TOX: variants seen among roughly 807,000 people sequenced by gnomAD.
TOX encodes thymocyte selection-associated high mobility group box protein TOX.
In TOX, 11 loss-of-function variants were observed where a neutral mutation model predicts 53.7. The ratio of observed to expected loss-of-function variants is 0.20; its 90% CI spans 0.13 to 0.34. TOX has a LOEUF of 0.34. Ranked by LOEUF, TOX falls within the 10% of genes least tolerant of loss-of-function variation. The pLI is 1.00. For missense variants in TOX, 570 were observed against 664.6 expected (o/e 0.86, Z 1.56); for synonymous variants, 225 against 245.3 (o/e 0.92, Z 0.77).
chr8:58,859,704 A>T (rs1810975328), intron 3 of TOX, among the ~76,000 whole-genome samples: 1 of 152,120 alleles, frequency 6.6e-6, no homozygotes, highest in South Asian at 2.1e-4. Flanking sequence ...TCACTCCTTT[A>T]CACTGTGGTC....
At chr8:58,910,691 G>A (rs1444407507) in intron 3 of TOX, among the ~76,000 whole-genome samples, 1 of 152,206 alleles carries the variant, frequency 6.6e-6, no homozygotes, top group Non-Finnish European at 1.5e-5. Context: ...ACCTTTTAGA[G>A]AGCCTGTTTC....
intron 1 of TOX, among the ~76,000 whole-genome samples, chr8:59,061,596 C>T (rs1280001894): frequency 6.6e-6 from 1 of 152,110 alleles, no homozygotes; most frequent in East Asian, 1.9e-4. Context: ...CTAGCAAAAC[C>T]CCCATCTGGC....
intron 1 of TOX, among the ~76,000 whole-genome samples, chr8:58,965,865 C>T (rs1325221808): frequency 8.2e-6 from 1 of 121,972 alleles, no homozygotes; most frequent in Non-Finnish European, 1.7e-5. Flanking sequence ...TTTTGTATTC[C>T]TTGGCCCAGT....
intron 1 of TOX, among the ~76,000 whole-genome samples, chr8:59,096,354 T>C (rs1214611938): frequency 6.6e-6 from 1 of 152,220 alleles, no homozygotes; most frequent in African/African-American, 2.4e-5. Context: ...TGGCAATTTA[T>C]CTTTTACTAA....
intron 1 of TOX, among the ~76,000 whole-genome samples, chr8:59,097,640 C>T (rs1804734872): frequency 6.6e-6 from 1 of 152,160 alleles, no homozygotes; most frequent in Admixed American, 6.6e-5. Flanking sequence ...ATCTGTATAA[C>T]TCAAATAACT....
intron 3 of TOX, among the ~76,000 whole-genome samples, chr8:58,913,799 C>T (rs895788953): frequency 4.5e-5 from 5 of 110,204 alleles, no homozygotes; most frequent in African/African-American, 1.5e-4. Flanking sequence ...ATATTTATTG[C>T]CGGATTTTTA....
chr8:58,890,328 T>C (rs1272604238), intron 3 of TOX, among the ~76,000 whole-genome samples: 1 of 152,190 alleles, frequency 6.6e-6, no homozygotes, highest in South Asian at 2.1e-4. Flanking sequence ...AAGAGCACAC[T>C]GGCAGGAGAT....
chr8:58,906,544 T>C (rs1423535623), intron 3 of TOX, among the ~76,000 whole-genome samples: 1 of 152,216 alleles, frequency 6.6e-6, no homozygotes, highest in East Asian at 1.9e-4. Flanking sequence ...TCAAACTGCA[T>C]ATTTATTTAC....
chr8:58,870,536 T>C (rs960404956), intron 3 of TOX, among the ~76,000 whole-genome samples: 2 of 152,036 alleles, frequency 1.3e-5, no homozygotes, highest in Non-Finnish European at 2.9e-5. Flanking sequence ...GACAAAATGG[T>C]TTTGAAATTT....
chr8:58,862,536 G>A (rs1245210429), intron 3 of TOX, among the ~76,000 whole-genome samples: 1 of 152,060 alleles, frequency 6.6e-6, no homozygotes, highest in Admixed American at 6.6e-5. Flanking sequence ...ATTATAAAAA[G>A]TTATTAAAAG....
chr8:58,938,976 G>A (rs1222776696), intron 3 of TOX, among the ~76,000 whole-genome samples: 1 of 152,238 alleles, frequency 6.6e-6, no homozygotes, highest in African/African-American at 2.4e-5. Context: ...TCCACTGGAT[G>A]AGAGGTGGCA....
intron 1 of TOX, among the ~76,000 whole-genome samples, chr8:59,090,367 A>G (rs957954521): frequency 6.6e-6 from 1 of 152,192 alleles, no homozygotes; most frequent in Non-Finnish European, 1.5e-5. Flanking sequence ...GGTAGAACTC[A>G]TCATATGTTT....
chr8:58,887,773 C>T (rs1206410471), intron 3 of TOX, among the ~76,000 whole-genome samples: 1 of 151,962 alleles, frequency 6.6e-6, no homozygotes, highest in Non-Finnish European at 1.5e-5. Context: ...TCTTTTACCT[C>T]TTAAACTTTT....
chr8:58,937,373 A>G (rs905895704), intron 3 of TOX, among the ~76,000 whole-genome samples: 1 of 152,246 alleles, frequency 6.6e-6, no homozygotes, highest in Non-Finnish European at 1.5e-5. Flanking sequence ...GGCAGAGAGC[A>G]TAAGGAAATT....
In TOX at chr8:59,047,769, A is replaced by T. The variant is rs766186143; in HGVS notation, c.102+71117T>A. 9.2e-4 allele frequency among the ~76,000 whole-genome samples: 140 copies of T among 152,176 alleles called. 2 individuals carry two copies. Among genetic ancestry groups the T allele is most frequent in the Admixed American group, 2.0e-4 (3 of 15,270 alleles). ...ATTTCAAAGACAGAAGGGGCTTAAA[A>T]ACACCATATAAGCTAATTTCAAAAC... On this transcript the variant is annotated intron_variant, in intron 1 of 8. Transcript: ENST00000361421.
intron 1 of TOX, among the ~76,000 whole-genome samples, chr8:59,041,527 T>A (rs1585981808): frequency 6.6e-6 from 1 of 152,218 alleles, no homozygotes; most frequent in Non-Finnish European, 1.5e-5. Flanking sequence ...CATTCACTCA[T>A]AGCAATTCTA....
intron 6 of TOX, 45 bp from the exon 7 acceptor site, chr8:58,815,769 G>A (rs942961439): frequency 1.9e-6 from 3 of 1,550,548 alleles, no homozygotes; most frequent in African/African-American, 2.7e-5. Context: ...TGATACATGA[G>A]TGTTGATTCA....
At chr8:58,882,023 T>G (rs1811392198) in intron 3 of TOX, among the ~76,000 whole-genome samples, 1 of 152,256 alleles carries the variant, frequency 6.6e-6, no homozygotes, top group African/African-American at 2.4e-5. Context: ...CTCATGTCAG[T>G]AACTTCCCTC....
Position 58,821,103 on chromosome 8 carries a change from C to T in TOX, c.1006-5379G>A, listed in dbSNP as rs1412886293. On this transcript the variant is annotated intron_variant, in intron 6 of 8. Transcript: ENST00000361421. ...TTTGCAGGGTTCATAAAGATCATTTCAATTAAGAAAACTATAGATGAATGC... is the reference window on the plus strand; with the variant it reads ...TTTGCAGGGTTCATAAAGATCATTTTAATTAAGAAAACTATAGATGAATGC... Among the ~76,000 whole-genome samples, 3 of 152,066 alleles carry T rather than the reference C, an allele frequency of 2.0e-5. No homozygotes were observed. In the South Asian group the frequency reaches 6.2e-4, roughly 32 times the overall value.
Sources: gnomAD v4.1 joint callset for allele counts (sites outside exome capture counted in the v4.1 genomes callset) on GRCh38, gnomAD v4.1.1 for gene constraint, MANE v1.5 for transcripts, NCBI Gene and HGNC (gene_info 2026-07-23, HGNC 2026-07-21) for gene names.